Variants in MCPH1 observed in about 807,000 individuals in gnomAD.
The protein encoded by MCPH1 is microcephalin 1.
MCPH1 carries 104 observed loss-of-function variants against 84.5 expected under a neutral mutation model. The observed-to-expected ratio is 1.23, with a 90% confidence interval of 1.05 to 1.45. MCPH1 has a LOEUF of 1.45. Ranked by LOEUF, MCPH1 falls within the 40% of genes most tolerant of loss-of-function variation. MCPH1 has a pLI of 0.00. For missense variants in MCPH1, 1,498 were observed against 1,005.7 expected (o/e 1.49, Z -6.62); for synonymous variants, 514 against 366.8 (o/e 1.40, Z -4.58).
chr8:6,573,204 G>A (rs1055789135), intron 12 of MCPH1, among the ~76,000 whole-genome samples: 1 of 152,188 alleles, frequency 6.6e-6, no homozygotes, highest in African/African-American at 2.4e-5. Context: ...GGGCGGGGGA[G>A]TGTCCTGATG....
chr8:6,625,171 G>C, intron 13 of MCPH1: 1 of 985,302 alleles, frequency 1.0e-6, no homozygotes, highest in Non-Finnish European at 1.2e-6. Context: ...CACCGTGCCT[G>C]GCCGAAATCA....
At chr8:6,489,768 G>C (rs919871870) in intron 11 of MCPH1, among the ~76,000 whole-genome samples, 1 of 152,186 alleles carries the variant, frequency 6.6e-6, no homozygotes, top group East Asian at 1.9e-4. Flanking sequence ...CCTAGTGCTT[G>C]GCGATGTGGT....
chr8:6,420,986 T>G (rs1022275861), intron 3 of MCPH1, among the ~76,000 whole-genome samples: 1 of 152,160 alleles, frequency 6.6e-6, no homozygotes, highest in Non-Finnish European at 1.5e-5. Flanking sequence ...CAGGCGGGCA[T>G]GGAGGTCTAA....
chr8:6,539,619 C>A (rs750175950), intron 12 of MCPH1, among the ~76,000 whole-genome samples: 1 of 152,112 alleles, frequency 6.6e-6, no homozygotes, highest in Non-Finnish European at 1.5e-5. Flanking sequence ...TGGAGTCTCG[C>A]TCTGTCTCTC....
intron 12 of MCPH1, among the ~76,000 whole-genome samples, chr8:6,551,641 T>C (rs1403855491): frequency 6.6e-6 from 1 of 152,224 alleles, no homozygotes; most frequent in African/African-American, 2.4e-5. Context: ...TAAAAATGAT[T>C]CAGGTCAGGA....
At chr8:6,516,535 A>T (rs2442627) in intron 12 of MCPH1, among the ~76,000 whole-genome samples, 9,221 of 152,284 alleles carry the variant, frequency 0.061, 314 homozygotes, top group African/African-American at 0.079. Context: ...TCCAAGTTTA[A>T]ATCAGTTCAT....
At chr8:6,471,646 G>A (rs1274907360) in intron 9 of MCPH1, among the ~76,000 whole-genome samples, 1 of 152,186 alleles carries the variant, frequency 6.6e-6, no homozygotes, top group Non-Finnish European at 1.5e-5. Context: ...ATTAATTTTT[G>A]TTCCACTTGA....
At chr8:6,423,185 CTTTTCTTTTTTTTTT>C (rs1294377158) in intron 3 of MCPH1, among the ~76,000 whole-genome samples, 2 of 110,788 alleles carry the variant, frequency 1.8e-5, no homozygotes, top group Admixed American at 2.1e-4. Flanking sequence ...TTTTTCTTTT[CTTTTCTTTTTTTTTT>C]TTTTTTTGAA....
chr8:6,625,023 C>G (rs942503136), intron 13 of MCPH1: 2 of 478,928 alleles, frequency 4.2e-6, no homozygotes, highest in Non-Finnish European at 5.4e-6. Context: ...TTACAGGCCC[C>G]GCCACCATGC....
chr8:6,536,709 T>G (rs996762171), intron 12 of MCPH1, among the ~76,000 whole-genome samples: 2 of 152,190 alleles, frequency 1.3e-5, no homozygotes, highest in African/African-American at 2.4e-5. Flanking sequence ...TAATGTAGCC[T>G]TTCCATAAAT....
At chr8:6,462,964 A>C (rs993972275) in intron 9 of MCPH1, among the ~76,000 whole-genome samples, 5 of 152,178 alleles carry the variant, frequency 3.3e-5, no homozygotes, top group African/African-American at 1.2e-4. Flanking sequence ...CCACTCCCAG[A>C]GACCACCATG....
At chr8:6,523,277 A>G (rs1219170498) in intron 12 of MCPH1, among the ~76,000 whole-genome samples, 5 of 152,254 alleles carry the variant, frequency 3.3e-5, no homozygotes, top group South Asian at 2.1e-4. Flanking sequence ...GATTACAGGC[A>G]TGAGCCACCA....
chr8:6,474,576 GGTTA>G (rs1327622076), intron 9 of MCPH1, among the ~76,000 whole-genome samples: 1 of 152,126 alleles, frequency 6.6e-6, no homozygotes, highest in African/African-American at 2.4e-5. Context: ...AAGTTTGTCA[GGTTA>G]ATGATTCAAT....
chr8:6,483,857 CAAAG>C (rs1809538106), intron 11 of MCPH1, among the ~76,000 whole-genome samples: 1 of 151,116 alleles, frequency 6.6e-6, no homozygotes, highest in African/African-American at 2.4e-5. Flanking sequence ...GACACCCTGT[CAAAG>C]AAAAGAAAAG....
intron 2 of MCPH1, among the ~76,000 whole-genome samples, chr8:6,411,260 T>G (rs1234679366): frequency 6.6e-6 from 1 of 152,198 alleles, no homozygotes; most frequent in Non-Finnish European, 1.5e-5. Flanking sequence ...CTTAAGCAAC[T>G]GTTACCGTGG....
At chr8:6,418,571 G>C (rs1413314969) in intron 3 of MCPH1, among the ~76,000 whole-genome samples, 1 of 151,962 alleles carries the variant, frequency 6.6e-6, no homozygotes, top group African/African-American at 2.4e-5. Context: ...AGACTCCTTA[G>C]GGATATTTTT....
At chr8:6,428,749 A>G (rs1801423758) in intron 3 of MCPH1, among the ~76,000 whole-genome samples, 1 of 123,356 alleles carries the variant, frequency 8.1e-6, no homozygotes, top group Non-Finnish European at 2.0e-5. Context: ...GCGCACGCAC[A>G]CACACACACA....
chr8:6,547,014 G>A (rs1314708817), intron 12 of MCPH1, among the ~76,000 whole-genome samples: 2 of 152,108 alleles, frequency 1.3e-5, no homozygotes, highest in Admixed American at 6.5e-5. Flanking sequence ...GGTGTACCTC[G>A]GAAGAAGCGT....
In MCPH1 at chr8:6,406,877, C is replaced by CT. The variant is rs1261532753; in HGVS notation, c.22+189dup. ...GTCCCACCAAAACCCCCTGCTCCTG[C>CT]TCTCTCCCCCGCTGCCTGTCCCCCC... On this transcript the variant is annotated intron_variant, in intron 1 of 13. Coordinates refer to ENST00000344683, the MANE Select transcript of MCPH1 (RefSeq NM_024596.5). Among the ~76,000 whole-genome samples the CT allele has an allele frequency of 8.6e-4, 7 of 8,098 alleles. No homozygotes were observed. The East Asian group carries it at 0.021, about 25-fold the overall frequency. 5.3% of individuals were successfully genotyped at this position (8,098 alleles called of 152,430 possible).
Sources: allele counts gnomAD v4.1 joint callset (sites outside exome capture counted in the v4.1 genomes callset), GRCh38; gene constraint gnomAD v4.1.1; transcripts MANE v1.5; gene names NCBI Gene and HGNC (gene_info 2026-07-23, HGNC 2026-07-21).